The following TRAPPC8 variants were observed in gnomAD, a reference collection of about 807,000 sequenced individuals.
TRAPPC8 encodes the protein general sporulation gene 1 homolog.
Under a neutral mutation model 174.3 loss-of-function variants are expected in TRAPPC8, and 54 were observed. That is an observed-to-expected ratio of 0.31 (90% confidence interval 0.25 to 0.39). TRAPPC8 has a LOEUF of 0.39. Among genes scored for constraint, TRAPPC8 ranks in the 10% least tolerant of loss-of-function variants. The pLI is 1.00. For synonymous variants in TRAPPC8, 630 were observed against 579.9 expected, an observed-to-expected ratio of 1.09 and a Z score of -1.24; for missense variants, 1,531 against 1,699.1, an observed-to-expected ratio of 0.90 and a Z score of 1.74.
chr18:31,869,124 G>A (rs1598635758), intron 16 of TRAPPC8, among the ~76,000 whole-genome samples: 1 of 151,640 alleles, frequency 6.6e-6, no homozygotes, highest in African/African-American at 2.4e-5. Context: ...ATTTGTCCAA[G>A]TTATTTCATT....
chr18:31,834,126 T>C (rs571221468), intron 27 of TRAPPC8, among the ~76,000 whole-genome samples: 77 of 151,910 alleles, frequency 5.1e-4, no homozygotes, highest in South Asian at 2.3e-3. Flanking sequence ...TTTTATTCTT[T>C]GAGATGGAGT....
chr18:31,872,438 T>C (rs1297894256), intron 14 of TRAPPC8, among the ~76,000 whole-genome samples: 1 of 152,106 alleles, frequency 6.6e-6, no homozygotes, highest in Non-Finnish European at 1.5e-5. Flanking sequence ...TCCATCACAA[T>C]ACGATTTTTT....
At chr18:31,868,128 G>A (rs536229373) in intron 16 of TRAPPC8, among the ~76,000 whole-genome samples, 10 of 152,116 alleles carry the variant, frequency 6.6e-5, no homozygotes, top group Non-Finnish European at 1.3e-4. Context: ...AGGGAAAAAG[G>A]CCTGTTTCCC....
intron 26 of TRAPPC8, among the ~76,000 whole-genome samples, chr18:31,839,722 T>C (rs1228535555): frequency 6.6e-6 from 1 of 152,190 alleles, no homozygotes; most frequent in African/African-American, 2.4e-5. Flanking sequence ...TTAGCTCTGT[T>C]ATCTTGGATA....
At chr18:31,918,964 C>A (rs554785796) in intron 2 of TRAPPC8, among the ~76,000 whole-genome samples, 4 of 152,268 alleles carry the variant, frequency 2.6e-5, no homozygotes, top group African/African-American at 9.6e-5. Flanking sequence ...TTGCTTTCAT[C>A]TTAACCACTG....
At chr18:31,923,212 T>C (rs763290284) in intron 2 of TRAPPC8, among the ~76,000 whole-genome samples, 1 of 151,448 alleles carries the variant, frequency 6.6e-6, no homozygotes, top group East Asian at 1.9e-4. Flanking sequence ...TTGAAAAAAA[T>C]AGATACATTA....
At chr18:31,926,494 G>A (rs776577340) in intron 2 of TRAPPC8, 40 of 151,426 alleles carry the variant, frequency 2.6e-4, no homozygotes, top group Admixed American at 1.3e-4. Flanking sequence ...TTGAGACAGA[G>A]TTTCGCTCTT....
rs551078861 is a variant in TRAPPC8, at chr18:31,942,743, C to T, written c.22G>A (p.Val8Met). 1.4e-5 allele frequency: 22 copies of T among 1,584,750 alleles called. No homozygotes were observed. Among genetic ancestry groups the T allele is most frequent in the South Asian group, 4.6e-5 (4 of 87,718 alleles). ...AAGGAGTCCGGGATTAGCTCCTGCA[C>T]TGATTGTACACACTGGGCCATCGCC... MAQCVQSVQELIPDSFVP... is the reference protein window; with the variant it reads MAQCVQSMQELIPDSFVP... The change falls in exon 1 of 29, where the codon GTG becomes ATG. Residue 8 changes from valine to methionine, a missense_variant. Val to Met is a conservative substitution (Grantham distance 21). Coordinates refer to ENST00000283351, the MANE Select transcript of TRAPPC8 (RefSeq NM_014939.5).
chr18:31,907,434 G>T, intron 9 of TRAPPC8, 26 bp downstream of exon 9: 1 of 1,519,994 alleles, frequency 6.6e-7, no homozygotes, highest in Non-Finnish European at 8.8e-7. Flanking sequence ...CAGAATTAAG[G>T]AATTATAATA....
chr18:31,857,459 G>T, intron 20 of TRAPPC8, 81 bp downstream of exon 20: 1 of 1,147,070 alleles, frequency 8.7e-7, no homozygotes, highest in Non-Finnish European at 1.2e-6. Context: ...TAACATGTTA[G>T]TAAATATCAA....
At chr18:31,890,087 A>T (rs1379537546) in intron 12 of TRAPPC8, among the ~76,000 whole-genome samples, 2 of 152,196 alleles carry the variant, frequency 1.3e-5, no homozygotes, top group African/African-American at 4.8e-5. Context: ...AGCTCCTAGT[A>T]TACTCTCTGA....
rs199687778 is a variant in TRAPPC8 at position 31,857,567 on chromosome 18, T to C, written c.3161A>G (p.Glu1054Gly). ...TATTTTTGGCTGCTTTTTGACACTT[T>C]CATAGTAAAACAAAAAGTTAATTTC... Reference protein sequence around the residue: ...VHEINFLFYYESVKKQPKIRH... With the variant: ...VHEINFLFYYGSVKKQPKIRH... Residue 1054 changes from glutamate to glycine, a missense_variant, in exon 20 of 29, where the codon GAA becomes GGA. Glu to Gly is a moderately conservative substitution (Grantham distance 98). Transcript: ENST00000283351. The C allele has an allele frequency of 5.5e-5, 89 of 1,604,794 alleles. No individual in the cohort carries two copies. The highest frequency in any genetic ancestry group is 7.5e-5 in the Non-Finnish European group (88 of 1,176,298).
At chr18:31,875,312 A>C (rs961974341) in intron 12 of TRAPPC8, among the ~76,000 whole-genome samples, 4 of 149,016 alleles carry the variant, frequency 2.7e-5, no homozygotes, top group Non-Finnish European at 5.9e-5. Flanking sequence ...AGTACAAATA[A>C]TATATAATAA....
chr18:31,901,476 A>T (rs1206029080), intron 9 of TRAPPC8, among the ~76,000 whole-genome samples: 1 of 152,148 alleles, frequency 6.6e-6, no homozygotes, highest in Admixed American at 6.5e-5. Flanking sequence ...TCTACTTTCC[A>T]ATTTCTGAAC....
At position 31,931,671 on chromosome 18, in the gene TRAPPC8, T is replaced by C. The variant is rs549872956; in HGVS notation, c.158-148A>G. On this transcript the variant is annotated intron_variant, in intron 1 of 28. Coordinates refer to ENST00000283351, the MANE Select transcript of TRAPPC8 (RefSeq NM_014939.5). ...AACGTTCTTCCAGAAATATAAATGG[T>C]TGACAACATTCCCTCATATACCAAA... 1.2e-4 allele frequency: 70 copies of C among 588,766 alleles called. 1 individual carries two copies. The South Asian group carries it at 1.9e-3, about 16-fold the overall frequency. 36.5% of individuals were successfully genotyped at this position (588,766 alleles called of 1,614,324 possible).
At chr18:31,901,053 T>C (rs988947738) in intron 9 of TRAPPC8, 28 bp from the exon 10 acceptor site, 47 of 1,552,990 alleles carry the variant, frequency 3.0e-5, no homozygotes, top group Admixed American at 4.4e-5. Flanking sequence ...GTTTACATAT[T>C]TCAAAAGAAG....
intron 19 of TRAPPC8, among the ~76,000 whole-genome samples, chr18:31,861,856 G>A (rs928305963): frequency 4.5e-5 from 6 of 131,870 alleles, no homozygotes; most frequent in Non-Finnish European, 9.3e-5. Flanking sequence ...AGTCCAGGAA[G>A]CCAAGGCTGC....
intron 19 of TRAPPC8, among the ~76,000 whole-genome samples, chr18:31,861,618 G>T (rs918664746): frequency 6.6e-6 from 1 of 152,040 alleles, no homozygotes; most frequent in African/African-American, 2.4e-5. Context: ...AATAACTGAA[G>T]AATATTTAAA....
intron 12 of TRAPPC8, among the ~76,000 whole-genome samples, chr18:31,876,531 T>G (rs1399907390): frequency 7.6e-6 from 1 of 131,144 alleles, no homozygotes; most frequent in African/African-American, 3.1e-5. Context: ...ACTAGGGACC[T>G]CAGATCCTCA....
Sources: allele counts gnomAD v4.1 joint callset (sites outside exome capture counted in the v4.1 genomes callset), GRCh38; gene constraint gnomAD v4.1.1; transcripts MANE v1.5; gene names NCBI Gene and HGNC (gene_info 2026-07-23, HGNC 2026-07-21).